Variants in ASIC2 observed in about 807,000 individuals in gnomAD.
ASIC2 encodes the protein acid-sensing ion channel 2.
ASIC2 carries 25 observed loss-of-function variants against 57.3 expected under a neutral mutation model. The ratio of observed to expected loss-of-function variants is 0.44; its 90% CI spans 0.32 to 0.61. The LOEUF (loss-of-function observed/expected upper bound fraction) is 0.61. ASIC2 is among the 20% of genes least tolerant of loss of function. The probability of loss-of-function intolerance (pLI) is 0.06; values close to 1 mark genes in which losing one functional copy is unlikely to be tolerated. For missense variants in ASIC2, 641 were observed against 738.1 expected, an observed-to-expected ratio of 0.87 and a Z score of 1.52; for synonymous variants, 319 against 307.5, an observed-to-expected ratio of 1.04 and a Z score of -0.39.
At chr17:33,637,403 A>G (rs931176008) in intron 1 of ASIC2, among the ~76,000 whole-genome samples, 2 of 152,106 alleles carry the variant, frequency 1.3e-5, no homozygotes, top group Non-Finnish European at 2.9e-5. Context: ...CATACAAAGG[A>G]TGGGTTTGGA....
intron 1 of ASIC2, among the ~76,000 whole-genome samples, chr17:33,281,137 G>A (rs1025672116): frequency 5.3e-5 from 8 of 152,166 alleles, no homozygotes; most frequent in Non-Finnish European, 1.0e-4. Context: ...GACCTGCGGT[G>A]TGACCTTGAG....
chr17:34,013,805 C>T (rs1906853357), intron 1 of ASIC2, among the ~76,000 whole-genome samples: 1 of 152,184 alleles, frequency 6.6e-6, no homozygotes, highest in Non-Finnish European at 1.5e-5. Context: ...TACCCTCAGA[C>T]ATGTGCATGC....
intron 1 of ASIC2, among the ~76,000 whole-genome samples, chr17:33,321,592 TTTA>T (rs1202067293): frequency 1.3e-5 from 2 of 152,112 alleles, no homozygotes; most frequent in Non-Finnish European, 2.9e-5. Context: ...ATTTCTAGCA[TTTA>T]TTATTATTAT....
At chr17:33,909,690 T>C (rs1915420837) in intron 1 of ASIC2, among the ~76,000 whole-genome samples, 1 of 152,262 alleles carries the variant, frequency 6.6e-6, no homozygotes, top group Non-Finnish European at 1.5e-5. Context: ...TTAATTCTAT[T>C]TATTTTGCTT....
At chr17:33,771,020 G>A (rs564729400) in intron 1 of ASIC2, among the ~76,000 whole-genome samples, 17 of 152,276 alleles carry the variant, frequency 1.1e-4, no homozygotes, top group South Asian at 1.0e-3. Context: ...GGGATTGGGG[G>A]ACTGATCACA....
At chr17:33,683,716 G>GT (rs1908083701) in intron 1 of ASIC2, among the ~76,000 whole-genome samples, 1 of 151,940 alleles carries the variant, frequency 6.6e-6, no homozygotes, top group African/African-American at 2.4e-5. Context: ...TAATTTTTTT[G>GT]TTTTTTACAG....
intron 1 of ASIC2, among the ~76,000 whole-genome samples, chr17:33,114,844 T>A: frequency 6.6e-6 from 1 of 152,254 alleles, no homozygotes; most frequent in East Asian, 1.9e-4. Context: ...ACTGGGACCC[T>A]TTCCTTCCTT....
chr17:34,107,643 T>C (rs1203839299), intron 1 of ASIC2, among the ~76,000 whole-genome samples: 1 of 152,216 alleles, frequency 6.6e-6, no homozygotes, highest in Non-Finnish European at 1.5e-5. Flanking sequence ...TTATTTTCAA[T>C]TCTCCCCCAC....
chr17:33,583,327 T>C (rs1727389603), intron 1 of ASIC2, among the ~76,000 whole-genome samples: 1 of 151,272 alleles, frequency 6.6e-6, no homozygotes, highest in African/African-American at 2.4e-5. Context: ...TGTCAGTCAC[T>C]TGCCCTGCCT....
intron 1 of ASIC2, among the ~76,000 whole-genome samples, chr17:34,047,192 C>A (rs1908369713): frequency 6.6e-6 from 1 of 152,164 alleles, no homozygotes; most frequent in Admixed American, 6.5e-5. Context: ...ATTACCAGGG[C>A]TACCCATTCA....
At chr17:34,148,379 A>G (rs992852123) in intron 1 of ASIC2, among the ~76,000 whole-genome samples, 5 of 152,218 alleles carry the variant, frequency 3.3e-5, no homozygotes, top group Admixed American at 3.3e-4. Context: ...TAAAGTTCTA[A>G]ACTGGAAGAT....
At chr17:33,074,549 C>T (rs1447671059) in intron 3 of ASIC2, among the ~76,000 whole-genome samples, 7 of 152,166 alleles carry the variant, frequency 4.6e-5, no homozygotes, top group Non-Finnish European at 2.9e-5. Flanking sequence ...TGTCTAGGTT[C>T]CTCTATCTCT....
intron 1 of ASIC2, among the ~76,000 whole-genome samples, chr17:33,326,621 C>T (rs760512074): frequency 1.3e-5 from 2 of 152,234 alleles, no homozygotes; most frequent in Non-Finnish European, 2.9e-5. Flanking sequence ...TCAACCCAAA[C>T]ACCCCTTTTC....
At chr17:33,082,664 A>C (rs962750121) in intron 3 of ASIC2, among the ~76,000 whole-genome samples, 9 of 151,840 alleles carry the variant, frequency 5.9e-5, no homozygotes, top group Admixed American at 1.3e-4. Flanking sequence ...GCACCACTGC[A>C]CTCCACCCTG....
At chr17:34,118,690 C>T (rs984812360) in intron 1 of ASIC2, 1 of 152,256 alleles carries the variant, frequency 6.6e-6, no homozygotes, top group Admixed American at 6.5e-5. Flanking sequence ...TTATCTGACC[C>T]TCTTGGCCAC....
intron 1 of ASIC2, among the ~76,000 whole-genome samples, chr17:33,809,144 A>T (rs1597884776): frequency 6.6e-6 from 1 of 152,080 alleles, no homozygotes; most frequent in East Asian, 1.9e-4. Flanking sequence ...TGACCTCTGG[A>T]TCCACATCGC....
intron 1 of ASIC2, among the ~76,000 whole-genome samples, chr17:33,484,959 C>T (rs1349817180): frequency 6.6e-6 from 1 of 152,250 alleles, no homozygotes; most frequent in Non-Finnish European, 1.5e-5. Flanking sequence ...TATGGGGTAG[C>T]CCTGCTCTGC....
Position 33,013,908 on chromosome 17 carries a change from C to T in ASIC2, c.*57G>A. The T allele has an allele frequency of 1.4e-6, 2 of 1,428,520 alleles. No individual in the cohort carries two copies. Among genetic ancestry groups the T allele is most frequent in the Non-Finnish European group, 1.9e-6 (2 of 1,034,414 alleles). 88.5% of individuals were successfully genotyped at this position (1,428,520 alleles called of 1,614,324 possible). On this transcript the variant is annotated 3_prime_UTR_variant, in exon 10 of 10. Coordinates refer to ENST00000225823, the MANE Select transcript of ASIC2 (RefSeq NM_183377.2). ...CCCACCTGAGCTTGCTGTTCCTTGT[C>T]CTGGGTCTTGGGCCTCAAGGTCTGT...
chr17:33,503,208 G>A (rs549763117), intron 1 of ASIC2, among the ~76,000 whole-genome samples: 1 of 152,204 alleles, frequency 6.6e-6, no homozygotes, highest in Non-Finnish European at 1.5e-5. Context: ...GAATGGTGAT[G>A]AAGATGATAA....
Sources: gnomAD v4.1 joint callset for allele counts (sites outside exome capture counted in the v4.1 genomes callset) on GRCh38, gnomAD v4.1.1 for gene constraint, MANE v1.5 for transcripts, NCBI Gene and HGNC (gene_info 2026-07-23, HGNC 2026-07-21) for gene names.